MIPEP: variants seen among roughly 807,000 people sequenced by gnomAD.
MIPEP encodes the protein mitochondrial intermediate peptidase.
In MIPEP, 79 loss-of-function variants were observed where a neutral mutation model predicts 90.3. The observed-to-expected ratio is 0.87, with a 90% CI of 0.73 to 1.05. The LOEUF (loss-of-function observed/expected upper bound fraction) is 1.05. MIPEP is among the 50% of genes least tolerant of loss of function. The pLI is 0.00. For synonymous variants in MIPEP, 334 were observed against 315.8 expected, an observed-to-expected ratio of 1.06 and a Z score of -0.61; for missense variants, 940 against 905.6, an observed-to-expected ratio of 1.04 and a Z score of -0.49.
intron 7 of MIPEP, 84 bp from the exon 8 acceptor site, chr13:23,864,273 A>G: frequency 1.1e-6 from 1 of 950,244 alleles, no homozygotes; most frequent in South Asian, 1.6e-5. Flanking sequence ...TGATGATCAT[A>G]ATCTATATCC....
intron 3 of MIPEP, among the ~76,000 whole-genome samples, chr13:23,880,172 A>G (rs1340127880): frequency 6.6e-6 from 1 of 152,122 alleles, no homozygotes; most frequent in Non-Finnish European, 1.5e-5. Context: ...CTTAAGATTT[A>G]TATGAATCGA....
At chr13:23,764,488 T>C in intron 16 of MIPEP, among the ~76,000 whole-genome samples, 1 of 152,220 alleles carries the variant, frequency 6.6e-6, no homozygotes, top group East Asian at 1.9e-4. Flanking sequence ...CAGGGGCTAG[T>C]GCAGAGCAAG....
intron 16 of MIPEP, among the ~76,000 whole-genome samples, chr13:23,776,291 C>T (rs1158719250): frequency 6.6e-6 from 1 of 152,138 alleles, no homozygotes; most frequent in Non-Finnish European, 1.5e-5. Context: ...ACAGCCCCTC[C>T]CTTCTGTTCC....
chr13:23,732,415 G>T (rs1049670162), intron 18 of MIPEP, among the ~76,000 whole-genome samples: 1 of 152,114 alleles, frequency 6.6e-6, no homozygotes, highest in African/African-American at 2.4e-5. Flanking sequence ...ACCTACACTA[G>T]GACCCAGCAA....
chr13:23,873,800 C>T (rs190620530), intron 5 of MIPEP, among the ~76,000 whole-genome samples: 10 of 152,210 alleles, frequency 6.6e-5, no homozygotes, highest in African/African-American at 1.9e-4. Flanking sequence ...ATGTGGAAAG[C>T]GGCAAACGTG....
At chr13:23,776,743 C>T (rs1952721655) in intron 16 of MIPEP, among the ~76,000 whole-genome samples, 1 of 151,664 alleles carries the variant, frequency 6.6e-6, no homozygotes, top group Non-Finnish European at 1.5e-5. Flanking sequence ...GATAAGTTAA[C>T]ATGGAGATTT....
chr13:23,840,559 T>C (rs1869250654), intron 11 of MIPEP, among the ~76,000 whole-genome samples: 1 of 152,184 alleles, frequency 6.6e-6, no homozygotes, highest in Admixed American at 6.5e-5. Context: ...AAGTTTGTAA[T>C]ACAGATAGTG....
chr13:23,775,133 G>GTGTGTA (rs1952700993), intron 16 of MIPEP, among the ~76,000 whole-genome samples: 1 of 150,356 alleles, frequency 6.7e-6, no homozygotes, highest in African/African-American at 2.4e-5. Flanking sequence ...GTGTGTGTGT[G>GTGTGTA]TGTGTGTGTG....
At chr13:23,732,453 A>C (rs1952216833) in intron 18 of MIPEP, among the ~76,000 whole-genome samples, 1 of 152,210 alleles carries the variant, frequency 6.6e-6, no homozygotes, top group Non-Finnish European at 1.5e-5. Flanking sequence ...TATCCAAGAG[A>C]AATGAAAGCA....
At position 23,871,554 on chromosome 13, in the gene MIPEP, G is replaced by A. The variant is rs552842010; in HGVS notation, c.604-1359C>T. On this transcript the variant is annotated intron_variant, in intron 5 of 18. Transcript: ENST00000382172. ...GGTGAAAGTGTACACAAATCTTTCT[G>A]GGAGAGGAGATAGCAATTAACAAGT... Among the ~76,000 whole-genome samples, 8 of 152,298 alleles carry A rather than the reference G, an allele frequency of 5.3e-5. No individual in the cohort carries two copies. In the East Asian group the frequency reaches 1.5e-3, roughly 29 times the overall value.
At chr13:23,864,845 G>A (rs1870464766) in intron 7 of MIPEP, among the ~76,000 whole-genome samples, 1 of 151,812 alleles carries the variant, frequency 6.6e-6, no homozygotes, top group South Asian at 2.1e-4. Flanking sequence ...AGACATGTCT[G>A]ACGTTTTCAG....
At chr13:23,875,251 T>C (rs865861508) in intron 4 of MIPEP, among the ~76,000 whole-genome samples, 5 of 152,236 alleles carry the variant, frequency 3.3e-5, no homozygotes, top group African/African-American at 7.2e-5. Context: ...TACACAGGTT[T>C]GTAATAAATA....
intron 13 of MIPEP, 44 bp from the exon 14 acceptor site, chr13:23,836,393 A>C (rs371371298): frequency 3.1e-5 from 37 of 1,184,470 alleles, no homozygotes; most frequent in Non-Finnish European, 3.4e-5. Flanking sequence ...TCAAATCAAT[A>C]TATTTATCTA....
chr13:23,806,054 G>C lies in MIPEP; in HGVS notation c.1744C>G (p.Leu582Val). ...DMQLQVFYATLDQIYHGKHPL... is the reference protein window; with the variant it reads ...DMQLQVFYATVDQIYHGKHPL... The stretch of plus-strand genomic sequence containing the variant: ...TGCTTCCCATGGTAGATTTGATCCA[G>C]AGTGGCATAAAAGACCTAGATAGAT... Residue 582 changes from leucine to valine, a missense_variant, in exon 16 of 19, where the codon CTG (leucine) becomes GTG (valine). Coordinates refer to ENST00000382172, the MANE Select transcript of MIPEP (RefSeq NM_005932.4). The C allele has an allele frequency of 6.2e-7, 1 of 1,613,980 alleles. No homozygotes were observed. The highest frequency in any genetic ancestry group is 8.5e-7 in the Non-Finnish European group (1 of 1,179,946).
chr13:23,827,372 T>C (rs1338455256), intron 14 of MIPEP, among the ~76,000 whole-genome samples: 1 of 152,196 alleles, frequency 6.6e-6, no homozygotes, highest in Non-Finnish European at 1.5e-5. Flanking sequence ...TAGCAAAGTT[T>C]ATCTGAGAAG....
chr13:23,866,481 C>G (rs1373703375), intron 7 of MIPEP, among the ~76,000 whole-genome samples: 1 of 152,150 alleles, frequency 6.6e-6, no homozygotes, highest in Non-Finnish European at 1.5e-5. Context: ...CTCCACGCTG[C>G]TACAGCCAGT....
At chr13:23,797,013 T>C (rs1723398169) in intron 16 of MIPEP, among the ~76,000 whole-genome samples, 1 of 152,160 alleles carries the variant, frequency 6.6e-6, no homozygotes, top group African/African-American at 2.4e-5. Flanking sequence ...AACCCTAAAA[T>C]AATAGAAAGG....
intron 18 of MIPEP, among the ~76,000 whole-genome samples, chr13:23,749,087 AACT>A (rs951322287): frequency 2.0e-5 from 3 of 152,214 alleles, no homozygotes; most frequent in African/African-American, 7.2e-5. Flanking sequence ...TAGAAGTATT[AACT>A]ACTACTAATT....
chr13:23,792,481 G>A (rs1334926400), intron 16 of MIPEP, among the ~76,000 whole-genome samples: 2 of 152,182 alleles, frequency 1.3e-5, no homozygotes, highest in Non-Finnish European at 1.5e-5. Flanking sequence ...CTGGACTCAA[G>A]TGATCCTCCC....
Sources: allele counts gnomAD v4.1 joint callset (sites outside exome capture counted in the v4.1 genomes callset), GRCh38; gene constraint gnomAD v4.1.1; transcripts MANE v1.5; gene names NCBI Gene and HGNC (gene_info 2026-07-23, HGNC 2026-07-21).